Variants in ZBTB7C observed in about 807,000 individuals in gnomAD.
The protein encoded by ZBTB7C is zinc finger and BTB domain-containing protein 7C.
In ZBTB7C, 8 loss-of-function variants were observed where a neutral mutation model predicts 25.7. The observed-to-expected ratio is 0.31, with a 90% CI of 0.18 to 0.56. ZBTB7C has a LOEUF of 0.56. Ranked by LOEUF, ZBTB7C falls within the 20% of genes least tolerant of loss-of-function variation. The pLI is 0.91. For synonymous variants in ZBTB7C, 394 were observed against 369.0 expected, an observed-to-expected ratio of 1.07 and a Z score of -0.78; for missense variants, 824 against 855.2, an observed-to-expected ratio of 0.96 and a Z score of 0.46.
chr18:48,233,524 T>C (rs1312401943), intron 2 of ZBTB7C, among the ~76,000 whole-genome samples: 1 of 152,218 alleles, frequency 6.6e-6, no homozygotes, highest in Non-Finnish European at 1.5e-5. Flanking sequence ...CTGGAATCAG[T>C]CAGTGCTATC....
intron 2 of ZBTB7C, among the ~76,000 whole-genome samples, chr18:48,293,352 C>T (rs2045289760): frequency 6.6e-6 from 1 of 152,224 alleles, no homozygotes; most frequent in South Asian, 2.1e-4. Flanking sequence ...CCTCATCTGA[C>T]TCTATTCACC....
chr18:48,401,473 A>G (rs1351709674), intron 1 of ZBTB7C, among the ~76,000 whole-genome samples: 1 of 152,176 alleles, frequency 6.6e-6, no homozygotes, highest in African/African-American at 2.4e-5. Flanking sequence ...TGATGTGCCC[A>G]AAGTGATGCA....
At chr18:48,383,225 A>G (rs1351083562) in intron 1 of ZBTB7C, among the ~76,000 whole-genome samples, 1 of 151,888 alleles carries the variant, frequency 6.6e-6, no homozygotes, top group Non-Finnish European at 1.5e-5. Context: ...AAAAACAAAA[A>G]CTTTTGTAGG....
chr18:48,331,235 A>G (rs17751649), intron 2 of ZBTB7C, among the ~76,000 whole-genome samples: 20,594 of 152,128 alleles, frequency 0.14, 1,634 homozygotes, highest in Non-Finnish European at 0.2. Flanking sequence ...ATGAGCCACC[A>G]AGAAATGTTT....
chr18:48,038,067 T>C (rs1359450216), intron 4 of ZBTB7C, among the ~76,000 whole-genome samples: 1 of 151,802 alleles, frequency 6.6e-6, no homozygotes, highest in South Asian at 2.1e-4. Flanking sequence ...CAGGAGGAGG[T>C]AGGGGGCAGC....
intron 2 of ZBTB7C, among the ~76,000 whole-genome samples, chr18:48,228,425 A>G (rs1308760315): frequency 6.6e-6 from 1 of 152,122 alleles, no homozygotes; most frequent in African/African-American, 2.4e-5. Context: ...GGTCCTTGCT[A>G]TGAGAGAAGG....
At chr18:48,127,745 A>C (rs963694770) in intron 3 of ZBTB7C, among the ~76,000 whole-genome samples, 4 of 152,080 alleles carry the variant, frequency 2.6e-5, no homozygotes, top group African/African-American at 7.2e-5. Flanking sequence ...AGAGTTCACC[A>C]CTGTGTTATT....
chr18:48,269,945 G>A (rs1598743786), intron 2 of ZBTB7C, among the ~76,000 whole-genome samples: 1 of 152,128 alleles, frequency 6.6e-6, no homozygotes. Context: ...GGGAAGAAAA[G>A]CCAGCTAATG....
At chr18:48,406,748 T>C (rs751464510) in intron 1 of ZBTB7C, among the ~76,000 whole-genome samples, 1 of 152,192 alleles carries the variant, frequency 6.6e-6, no homozygotes, top group African/African-American at 2.4e-5. Flanking sequence ...TACAAAATAT[T>C]CTCTCTTGCA....
chr18:48,329,722 C>T (rs758606116), intron 2 of ZBTB7C, among the ~76,000 whole-genome samples: 3 of 152,322 alleles, frequency 2.0e-5, no homozygotes, highest in East Asian at 3.9e-4. Flanking sequence ...ATTAAACTCT[C>T]GCCTTAGGGT....
At chr18:48,233,234 C>G (rs1599154903) in intron 2 of ZBTB7C, among the ~76,000 whole-genome samples, 1 of 151,992 alleles carries the variant, frequency 6.6e-6, no homozygotes, top group South Asian at 2.1e-4. Flanking sequence ...CGCGCACGCT[C>G]TCTCTCTCCC....
intron 2 of ZBTB7C, among the ~76,000 whole-genome samples, chr18:48,212,626 A>C (rs2042728351): frequency 6.6e-6 from 1 of 152,112 alleles, no homozygotes; most frequent in South Asian, 2.1e-4. Flanking sequence ...TTTCTGCTCA[A>C]TTTTGCTGTG....
At chr18:48,326,582 A>C (rs1243722935) in intron 2 of ZBTB7C, among the ~76,000 whole-genome samples, 2 of 146,792 alleles carry the variant, frequency 1.4e-5, no homozygotes, top group African/African-American at 5.0e-5. Context: ...ATATAGTGGA[A>C]TACTACAGAG....
intron 2 of ZBTB7C, among the ~76,000 whole-genome samples, chr18:48,197,130 T>G (rs1172703235): frequency 6.6e-6 from 1 of 152,174 alleles, no homozygotes; most frequent in Non-Finnish European, 1.5e-5. Context: ...GGAAGGTGCA[T>G]GCAAGGCCTG....
At chr18:48,292,834 C>G (rs762822436) in intron 2 of ZBTB7C, among the ~76,000 whole-genome samples, 1 of 152,172 alleles carries the variant, frequency 6.6e-6, no homozygotes. Context: ...CTCCTTCATG[C>G]TCTCACCCAT....
chr18:48,089,824 T>C (rs917077257), intron 3 of ZBTB7C, among the ~76,000 whole-genome samples: 16 of 152,088 alleles, frequency 1.1e-4, no homozygotes, highest in South Asian at 2.1e-4. Context: ...AACTGGCTGC[T>C]GTGGCTTAAT....
At chr18:48,265,375 T>C (rs951400072) in intron 2 of ZBTB7C, among the ~76,000 whole-genome samples, 2 of 152,222 alleles carry the variant, frequency 1.3e-5, no homozygotes, top group African/African-American at 4.8e-5. Flanking sequence ...TCTCTGACAA[T>C]AGTCAATATG....
intron 3 of ZBTB7C, among the ~76,000 whole-genome samples, chr18:48,141,997 T>C (rs1394264277): frequency 6.6e-6 from 1 of 152,236 alleles, no homozygotes; most frequent in Non-Finnish European, 1.5e-5. Context: ...CGTTTAGCAT[T>C]GAGAACAGAC....
intron 2 of ZBTB7C, among the ~76,000 whole-genome samples, chr18:48,210,910 A>G (rs986631058): frequency 6.6e-6 from 1 of 152,214 alleles, no homozygotes; most frequent in Non-Finnish European, 1.5e-5. Flanking sequence ...TGAAGAAGAA[A>G]ACAAAGTATT....
Sources: allele counts gnomAD v4.1 joint callset (sites outside exome capture counted in the v4.1 genomes callset), GRCh38; gene constraint gnomAD v4.1.1; transcripts MANE v1.5; gene names NCBI Gene and HGNC (gene_info 2026-07-23, HGNC 2026-07-21).